Variants in ABI3 observed in about 807,000 individuals in gnomAD.
ABI3 encodes the protein ABI family member 3.
A neutral mutation model predicts 37.0 loss-of-function variants in ABI3; 24 were observed. That is an observed-to-expected ratio of 0.65 (90% CI 0.47 to 0.91). The LOEUF is 0.91. Ranked by LOEUF, ABI3 falls within the 40% of genes least tolerant of loss-of-function variation. The pLI is 0.00. For missense variants in ABI3, 481 were observed against 485.1 expected (o/e 0.99, Z 0.08); for synonymous variants, 220 against 211.8 (o/e 1.04, Z -0.34).
At position 49,210,921 on chromosome 17, in the gene ABI3, A is replaced by C; in HGVS notation, c.117+80A>C. On this transcript the variant is annotated intron_variant, in intron 1 of 7. Transcript: ENST00000225941. This position sits in a 1 kb window ranked among gnomAD's most constrained non-coding sequence, Gnocchi z 4.2. ...GCCCTGCCCCAAGTGGGGCCCTGGG[A>C]CCCATCCTGACAGTGCTTGTCCTGG... is the stretch of plus-strand genomic sequence containing the variant. 2.6e-6 allele frequency: 3 copies of C among 1,158,352 alleles called. No individual in the cohort carries two copies. The highest frequency in any genetic ancestry group is 3.7e-6 in the Non-Finnish European group (3 of 815,378). The allele number at this position is 1,158,352 out of a possible 1,614,324, so 71.8% of individuals were successfully genotyped here. A position where few individuals can be genotyped will look rare whatever the true frequency, so the allele number is the denominator to read the frequency against.
chr17:49,221,739 G>A (rs1413945799), intron 6 of ABI3, among the ~76,000 whole-genome samples: 5 of 152,100 alleles, frequency 3.3e-5, no homozygotes. Flanking sequence ...CTTTTGAGAT[G>A]GAGTCTCACT....
chr17:49,218,012 A>G, intron 3 of ABI3, 97 bp downstream of exon 3: 3 of 1,249,760 alleles, frequency 2.4e-6, no homozygotes, highest in Non-Finnish European at 2.2e-6. Flanking sequence ...TTTTGTCCCC[A>G]CTTGCCACTC....
intron 1 of ABI3, among the ~76,000 whole-genome samples, chr17:49,214,800 G>A (rs2043204029): frequency 1.3e-5 from 2 of 152,240 alleles, no homozygotes; most frequent in Non-Finnish European, 2.9e-5. Context: ...GCCAGTGCCT[G>A]GCACAGTGCC....
At chr17:49,217,108 C>T (rs1392250137) in intron 2 of ABI3, among the ~76,000 whole-genome samples, 2 of 152,104 alleles carry the variant, frequency 1.3e-5, no homozygotes, top group Non-Finnish European at 2.9e-5. Context: ...ATACACCCTC[C>T]ACCCCGCCAC....
Position 49,216,634 on chromosome 17 carries a change from G to T in ABI3, c.221G>T (p.Arg74Leu), listed in dbSNP as rs758831966. 16 of 1,611,504 alleles carry T rather than the reference G, an allele frequency of 9.9e-6. No homozygotes were observed. Among genetic ancestry groups the T allele is most frequent in the Non-Finnish European group, 1.4e-5 (16 of 1,179,038 alleles). Reference sequence around the variant, plus strand: ...GGCAACCTGGCCGGGCACACTCTGCGCATGTTGGACCTGCAGGGGGCCGCC... The same window carrying T: ...GGCAACCTGGCCGGGCACACTCTGCTCATGTTGGACCTGCAGGGGGCCGCC... The part of the protein sequence containing the change: ...QVGNLAGHTL[R>L]MLDLQGAALR... Residue 74 changes from arginine (R) to leucine (L), a missense_variant, in exon 2 of 8, where the codon CGC (arginine) becomes CTC (leucine). Physicochemically the swap from Arg to Leu is moderately radical, Grantham distance 102. Coordinates refer to ENST00000225941, the MANE Select transcript of ABI3 (RefSeq NM_016428.3).
At chr17:49,222,315 T>TA in intron 7 of ABI3, 90 bp downstream of exon 7, 3 of 1,508,114 alleles carry the variant, frequency 2.0e-6, no homozygotes, top group Non-Finnish European at 2.7e-6. Context: ...GGTGTGAATC[T>TA]ATCCCCCGGG....
At chr17:49,213,033 A>C (rs2043184583) in intron 1 of ABI3, among the ~76,000 whole-genome samples, 2 of 152,346 alleles carry the variant, frequency 1.3e-5, no homozygotes, top group South Asian at 4.1e-4. Flanking sequence ...TCAAATTTCC[A>C]GTTCTGCCAC....
In ABI3 at chr17:49,222,085, C is replaced by T. The variant is rs1242019138; in HGVS notation, c.803-6C>T. On this transcript the variant is annotated splice_polypyrimidine_tract_variant and splice_region_variant and intron_variant, in intron 6 of 7. Transcript: ENST00000225941. ...ACACTTACAGCCTTTCTGCTTTTCC[C>T]CCAAGACGAAGAGCTGCCCCTGCCA... 3 of 1,589,568 alleles carry T rather than the reference C, an allele frequency of 1.9e-6. No individual in the cohort carries two copies. In the South Asian group the frequency reaches 3.4e-5, roughly 18 times the overall value.
rs1057168118 is a variant in ABI3 at position 49,219,454 on chromosome 17, C to T, written c.463-86C>T. On this transcript the variant is annotated intron_variant, in intron 3 of 7. Transcript: ENST00000225941. This position sits in a 1 kb window ranked among gnomAD's most constrained non-coding sequence, Gnocchi z 4.3. ...CGGGCTCTCCCTCCCGGTTCCCGTC[C>T]GCCCCTCCTCCATTTCCTCTTGGGG... 21 of 1,228,056 alleles carry T rather than the reference C, an allele frequency of 1.7e-5. No homozygotes were observed. The Admixed American group carries it at 3.9e-4, about 23-fold the overall frequency. 76.1% of individuals were successfully genotyped at this position (1,228,056 alleles called of 1,614,324 possible). A position where few individuals can be genotyped will look rare whatever the true frequency, so the allele number is the denominator to read the frequency against.
intron 7 of ABI3, 137 bp from the exon 8 acceptor site, chr17:49,222,415 C>A (rs2143548052): frequency 7.3e-7 from 1 of 1,374,530 alleles, no homozygotes; most frequent in Non-Finnish European, 9.9e-7. Context: ...GGGAGGGGTC[C>A]TGAAGGCTTG....
At chr17:49,211,114 C>T (rs753256285) in intron 1 of ABI3, among the ~76,000 whole-genome samples, 10 of 152,210 alleles carry the variant, frequency 6.6e-5, no homozygotes, top group Non-Finnish European at 1.5e-4. Flanking sequence ...CAGGTGTCAC[C>T]TCAGGTTCAT....
chr17:49,221,113 C>T (rs1213425083), intron 6 of ABI3, among the ~76,000 whole-genome samples: 1 of 150,538 alleles, frequency 6.6e-6, no homozygotes, highest in East Asian at 2.0e-4. Context: ...GCAGAGGCTG[C>T]AGTGAGCCGA....
Position 49,219,596 on chromosome 17 carries a change from C to T in ABI3, c.519C>T (p.Ala173=), listed in dbSNP as rs762332291. 5 of 1,606,476 alleles carry T rather than the reference C, an allele frequency of 3.1e-6. No homozygotes were observed. In the South Asian group the frequency reaches 5.6e-5, roughly 18 times the overall value. Residue 173 remains alanine (A), a synonymous_variant, in exon 4 of 8, where the codon GCC becomes GCT. Coordinates refer to ENST00000225941, the MANE Select transcript of ABI3 (RefSeq NM_016428.3). The surrounding 1 kb of genome is among the most constrained non-coding windows in gnomAD (Gnocchi z 4.3). ...TGTLSRKSIK[A]PATPASATLG... ...CCCTGTCTCGAAAGAGCATCAAGGC[C>T]CCTGCCACACCCGCCTCCGCCACCT...
rs200600530 is a variant in ABI3 at position 49,219,637 on chromosome 17, C to G, written c.548+12C>G. The G allele has an allele frequency of 1.9e-6, 3 of 1,591,096 alleles. No individual in the cohort carries two copies. In the East Asian group the frequency reaches 6.8e-5, roughly 36 times the overall value. On this transcript the variant is annotated intron_variant, in intron 4 of 7. Coordinates refer to ENST00000225941, the MANE Select transcript of ABI3 (RefSeq NM_016428.3). This position sits in a 1 kb window ranked among gnomAD's most constrained non-coding sequence, Gnocchi z 4.3. ...TCCGCCACCTTGGGGTGAGGCCTCG[C>G]CGCGACGCCAACTAGCCTAGCCCTG...
chr17:49,212,125 A>G (rs777117751), intron 1 of ABI3, among the ~76,000 whole-genome samples: 5 of 151,428 alleles, frequency 3.3e-5, no homozygotes, highest in Non-Finnish European at 7.4e-5. Flanking sequence ...CTAATTTTTT[A>G]AATTTTTTTG....
intron 1 of ABI3, among the ~76,000 whole-genome samples, chr17:49,211,675 G>C (rs558195172): frequency 6.6e-6 from 1 of 151,612 alleles, no homozygotes; most frequent in African/African-American, 2.4e-5. Context: ...CTTTTTTTTC[G>C]CTCTTGTTGT....
In ABI3 at chr17:49,222,087, CAAGACG is replaced by C; in HGVS notation, c.804_809del (p.Asp268_Glu269del). 6.3e-7 allele frequency: 1 copy of C among 1,590,976 alleles called. No homozygotes were observed. The highest frequency in any genetic ancestry group is 1.8e-5 in the Admixed American group (1 of 56,260). ...ACTTACAGCCTTTCTGCTTTTCCCC[CAAGACG>C]AAGAGCTGCCCCTGCCACTGGACCT... On this transcript the variant is annotated splice_acceptor_variant and splice_polypyrimidine_tract_variant and coding_sequence_variant and intron_variant, in exon 7 of 8. Coordinates refer to ENST00000225941, the MANE Select transcript of ABI3 (RefSeq NM_016428.3). LOFTEE classifies it high-confidence loss of function.
Position 49,219,531 on chromosome 17 carries a change from C to G in ABI3, c.463-9C>G. The G allele has an allele frequency of 6.3e-7, 1 of 1,595,972 alleles. No individual in the cohort carries two copies. The highest frequency in any genetic ancestry group is 8.5e-7 in the Non-Finnish European group (1 of 1,171,410). Reference sequence around the variant, plus strand: ...CCAAATGTAAGCCCTACCTCCCGCTCCCTCGCAGGACCTCAGCACGCAGCT... The same window carrying G: ...CCAAATGTAAGCCCTACCTCCCGCTGCCTCGCAGGACCTCAGCACGCAGCT... On this transcript the variant is annotated splice_polypyrimidine_tract_variant and intron_variant, in intron 3 of 7. Transcript: ENST00000225941. This position sits in a 1 kb window ranked among gnomAD's most constrained non-coding sequence, Gnocchi z 4.3.
chr17:49,218,030 T>C (rs1598242777), intron 3 of ABI3, 115 bp downstream of exon 3: 1 of 1,086,652 alleles, frequency 9.2e-7, no homozygotes, highest in African/African-American at 1.6e-5. Context: ...CTCCTTTCTT[T>C]CCCCGCTCCC....
Sources: allele counts gnomAD v4.1 joint callset (sites outside exome capture counted in the v4.1 genomes callset), GRCh38; gene constraint gnomAD v4.1.1; non-coding constraint Gnocchi (gnomAD v3.1); transcripts MANE v1.5; gene names NCBI Gene and HGNC (gene_info 2026-07-23, HGNC 2026-07-21).